Variants in PLCH1 observed in about 807,000 individuals in gnomAD.
The protein encoded by PLCH1 is 1-phosphatidylinositol 4,5-bisphosphate phosphodiesterase eta-1.
In PLCH1, 60 loss-of-function variants were observed where a neutral mutation model predicts 126.7. The observed-to-expected ratio is 0.47, with a 90% CI of 0.38 to 0.59. PLCH1 has a LOEUF of 0.59. PLCH1 is among the 20% of genes least tolerant of loss of function. PLCH1 has a pLI of 0.00. For synonymous variants in PLCH1, 719 were observed against 734.9 expected, an observed-to-expected ratio of 0.98 and a Z score of 0.35; for missense variants, 1,723 against 2,040.0, an observed-to-expected ratio of 0.84 and a Z score of 2.99.
In PLCH1 at chr3:155,480,869, A is replaced by G; in HGVS notation, c.*99T>C. The G allele has an allele frequency of 9.6e-7, 1 of 1,043,006 alleles. No individual in the cohort carries two copies. Among genetic ancestry groups the G allele is most frequent in the South Asian group, 1.6e-5 (1 of 62,824 alleles). The allele number at this position is 1,043,006 out of a possible 1,614,324, so 64.6% of individuals were successfully genotyped here. ...GAGACCCAAATACAAGTTTAAAAAT[A>G]CATTTGAAAATCATTCCAAAGCCAA... On this transcript the variant is annotated 3_prime_UTR_variant, in exon 23 of 23. Transcript: ENST00000460012.
At chr3:155,461,194 A>T (rs1712711998) in intron 21 of PLCH1, among the ~76,000 whole-genome samples, 1 of 152,176 alleles carries the variant, frequency 6.6e-6, no homozygotes, top group South Asian at 2.1e-4. Flanking sequence ...TTCTAATTGG[A>T]CCTAATAAAG....
intron 2 of PLCH1, among the ~76,000 whole-genome samples, chr3:155,687,488 T>C (rs1219030102): frequency 6.6e-6 from 1 of 152,156 alleles, no homozygotes; most frequent in Admixed American, 6.5e-5. Context: ...AGAGAAAATT[T>C]TACATTACTA....
chr3:155,710,537 A>G (rs565694721), intron 1 of PLCH1, among the ~76,000 whole-genome samples: 1 of 152,348 alleles, frequency 6.6e-6, no homozygotes, highest in Non-Finnish European at 1.5e-5. Context: ...GATTGTTATT[A>G]AAACTAGTTC....
intron 10 of PLCH1, among the ~76,000 whole-genome samples, chr3:155,531,365 C>T (rs1374683637): frequency 6.6e-6 from 1 of 152,200 alleles, no homozygotes; most frequent in Non-Finnish European, 1.5e-5. Flanking sequence ...TGGCTCACGC[C>T]TGTAATCCCA....
chr3:155,602,843 A>G (rs888919613), intron 2 of PLCH1, among the ~76,000 whole-genome samples: 12 of 152,194 alleles, frequency 7.9e-5, no homozygotes, highest in Non-Finnish European at 4.4e-5. Context: ...ACATATATAC[A>G]TATTTGTGCA....
chr3:155,694,776 T>C (rs1214859966), intron 2 of PLCH1, among the ~76,000 whole-genome samples: 1 of 152,176 alleles, frequency 6.6e-6, no homozygotes, highest in East Asian at 1.9e-4. Flanking sequence ...TGGACTCTCA[T>C]AGTGCCTGAG....
At position 155,659,302 on chromosome 3, in the gene PLCH1, CTTTTTTTTTTTTTTTTTT is replaced by C. The variant is rs753258422; in HGVS notation, c.79+44826_79+44843del. Reference sequence around the variant, plus strand: ...CCAGGCGTGAGATGTCTATTCACTTCTTTTTTTTTTTTTTTTTTTTTTTTTTTTTTTTTTTTTTTTTCC... The same window carrying C: ...CCAGGCGTGAGATGTCTATTCACTTCTTTTTTTTTTTTTTTTTTTTTTTCC... On this transcript the variant is annotated intron_variant, in intron 2 of 22. Transcript: ENST00000460012. Among the ~76,000 whole-genome samples, 107 of 30,838 alleles carry C rather than the reference CTTTTTTTTTTTTTTTTTT, an allele frequency of 3.5e-3. 1 individual carries two copies. The highest frequency in any genetic ancestry group is 0.028 in the Middle Eastern group (1 of 36). 20.2% of individuals were successfully genotyped at this position (30,838 alleles called of 152,430 possible).
intron 11 of PLCH1, among the ~76,000 whole-genome samples, chr3:155,523,141 A>AT (rs993927583): frequency 6.6e-5 from 10 of 151,466 alleles, no homozygotes; most frequent in East Asian, 1.9e-4. Context: ...CGCCCGGCTA[A>AT]TTTTTTTTGT....
At chr3:155,719,722 A>T (rs1388326322) in intron 1 of PLCH1, among the ~76,000 whole-genome samples, 1 of 151,666 alleles carries the variant, frequency 6.6e-6, no homozygotes, top group Non-Finnish European at 1.5e-5. Context: ...CTCCAAATCC[A>T]TCCAGGTTGC....
At chr3:155,503,955 A>G (rs1198072168) in intron 13 of PLCH1, among the ~76,000 whole-genome samples, 1 of 152,252 alleles carries the variant, frequency 6.6e-6, no homozygotes, top group East Asian at 1.9e-4. Context: ...GTGCACAACC[A>G]TAAGTAGTGT....
Position 155,564,869 on chromosome 3 carries a change from G to A in PLCH1, c.1069+46C>T, listed in dbSNP as rs528423412. On this transcript the variant is annotated intron_variant, in intron 8 of 22. Coordinates refer to ENST00000460012, the MANE Select transcript of PLCH1 (RefSeq NM_014996.4). ...ACTAGACTCGACAGACTGATTAAAG[G>A]ACAGGGTCACCCATACACACCGGAG... is the stretch of plus-strand genomic sequence containing the variant. 1,384 of 1,242,614 alleles carry A rather than the reference G, an allele frequency of 1.1e-3. 26 individuals carry two copies. In the South Asian group the frequency reaches 0.016, roughly 14 times the overall value. The allele number at this position is 1,242,614 out of a possible 1,614,324, so 77.0% of individuals were successfully genotyped here.
At chr3:155,703,800 A>G (rs1746451176) in intron 2 of PLCH1, among the ~76,000 whole-genome samples, 1 of 152,226 alleles carries the variant, frequency 6.6e-6, no homozygotes, top group South Asian at 2.1e-4. Flanking sequence ...TGATCCACAA[A>G]TATTAACTGA....
chr3:155,554,685 A>G (rs1362593456), intron 8 of PLCH1, among the ~76,000 whole-genome samples: 1 of 152,250 alleles, frequency 6.6e-6, no homozygotes, highest in African/African-American at 2.4e-5. Flanking sequence ...TTTCATTAAT[A>G]CTACAGTAGT....
At chr3:155,525,599 A>G (rs1308132382) in intron 10 of PLCH1, among the ~76,000 whole-genome samples, 1 of 152,166 alleles carries the variant, frequency 6.6e-6, no homozygotes, top group Non-Finnish European at 1.5e-5. Context: ...AGCAGGTTAC[A>G]TGTGTCCTTA....
intron 22 of PLCH1, among the ~76,000 whole-genome samples, chr3:155,484,139 C>T (rs190710459): frequency 1.5e-3 from 229 of 151,906 alleles, no homozygotes; most frequent in Non-Finnish European, 2.3e-3. Flanking sequence ...TTATATTTAC[C>T]GAAACTTTAA....
chr3:155,514,635 G>A, intron 12 of PLCH1, 88 bp downstream of exon 12: 2 of 817,978 alleles, frequency 2.4e-6, no homozygotes, highest in African/African-American at 3.5e-5. Flanking sequence ...AGAAGAAGTT[G>A]GAGGAGCATT....
intron 2 of PLCH1, among the ~76,000 whole-genome samples, chr3:155,606,779 G>A (rs1023282001): frequency 1.3e-5 from 2 of 152,196 alleles, no homozygotes; most frequent in African/African-American, 4.8e-5. Flanking sequence ...TTTGCAACAA[G>A]ATACACTGTG....
chr3:155,481,309 T>C lies in PLCH1; in HGVS notation c.4717A>G (p.Arg1573Gly). Reference protein sequence around the residue: ...PRALVRKLSSRSQSRVRNIAS... With the variant: ...PRALVRKLSSGSQSRVRNIAS... ...ATATTGCGCACTCTGCTCTGACTTC[T>C]GGATGACAACTTCCTGACCAGTGCC... The change falls in exon 23 of 23, where the codon AGA becomes GGA. Residue 1573 changes from arginine (R) to glycine (G), a missense_variant. Around this residue, in one of 2 missense-constraint regions of PLCH1, gnomAD observed 947 missense variants for 977.1 expected, o/e 0.97. Coordinates refer to ENST00000460012, the MANE Select transcript of PLCH1 (RefSeq NM_014996.4). The surrounding 1 kb of genome is among the most constrained non-coding windows in gnomAD (Gnocchi z 4.2). 2 of 1,614,258 alleles carry C rather than the reference T, an allele frequency of 1.2e-6. No individual in the cohort carries two copies. Among genetic ancestry groups the C allele is most frequent in the Non-Finnish European group, 1.7e-6 (2 of 1,180,040 alleles).
chr3:155,659,441 C>G (rs1346965421), intron 2 of PLCH1, among the ~76,000 whole-genome samples: 3 of 148,722 alleles, frequency 2.0e-5, no homozygotes, highest in Non-Finnish European at 4.4e-5. Flanking sequence ...CCTCCCTGTT[C>G]AGCCTCCAGA....
Sources: allele counts gnomAD v4.1 joint callset (sites outside exome capture counted in the v4.1 genomes callset), GRCh38; gene constraint gnomAD v4.1.1; regional missense constraint gnomAD v4.1.1; non-coding constraint Gnocchi (gnomAD v3.1); transcripts MANE v1.5; gene names NCBI Gene and HGNC (gene_info 2026-07-23, HGNC 2026-07-21).